Variants in CDH23 observed in about 807,000 individuals in gnomAD.
CDH23 encodes cadherin-23.
In CDH23, 189 loss-of-function variants were observed where a neutral mutation model predicts 317.1. The ratio of observed to expected loss-of-function variants is 0.60; its 90% CI spans 0.53 to 0.67. The LOEUF is 0.67. Ranked by LOEUF, CDH23 falls within the 30% of genes least tolerant of loss-of-function variation. The pLI, the probability that CDH23 is intolerant of heterozygous loss-of-function variation, is 0.00. For missense variants in CDH23, 4,401 were observed against 4,592.4 expected, an observed-to-expected ratio of 0.96 and a Z score of 1.20; for synonymous variants, 1,839 against 1,876.8, an observed-to-expected ratio of 0.98 and a Z score of 0.52.
intron 3 of CDH23, among the ~76,000 whole-genome samples, chr10:71,466,988 C>A (rs1201554193): frequency 6.6e-6 from 1 of 152,094 alleles, no homozygotes; most frequent in Non-Finnish European, 1.5e-5. Flanking sequence ...AGCTTGTGAG[C>A]CCCACAGGGA....
chr10:71,667,322 A>G (rs917514343), intron 14 of CDH23, among the ~76,000 whole-genome samples: 1 of 145,606 alleles, frequency 6.9e-6, no homozygotes, highest in Non-Finnish European at 1.5e-5. Flanking sequence ...GCTGGAGACA[A>G]GTAGGGGTGC....
rs377521834 is a variant in CDH23, at chr10:71,432,378, AGTGT to A, written c.-5-7445_-5-7442del. Reference sequence around the variant, plus strand: ...GTGAGAGTCTGGGTGTGTGTTTGAGAGTGTGTGAGTTGTGTGGTGTGTGTTTGTG... The same window carrying A: ...GTGAGAGTCTGGGTGTGTGTTTGAGAGTGAGTTGTGTGGTGTGTGTTTGTG... On this transcript the variant is annotated intron_variant, in intron 1 of 69. Transcript: ENST00000224721. Among the ~76,000 whole-genome samples the A allele has an allele frequency of 1.4e-4, 20 of 139,716 alleles. No homozygotes were observed. In the East Asian group the frequency reaches 3.5e-3, roughly 24 times the overall value. 91.7% of individuals were successfully genotyped at this position (139,716 alleles called of 152,430 possible).
chr10:71,712,412 A>G lies in CDH23; in HGVS notation c.3221-253A>G, dbSNP rs1022666109. On this transcript the variant is annotated intron_variant, in intron 27 of 69. Coordinates refer to ENST00000224721, the MANE Select transcript of CDH23 (RefSeq NM_022124.6). ...CCTCTGTAAAATGGGGATGACAGTA[A>G]AGTGTCTGCTTCATGGGGTTGCTGT... is the stretch of plus-strand genomic sequence containing the variant. 10 of 452,358 alleles carry G rather than the reference A, an allele frequency of 2.2e-5. No homozygotes were observed. In the East Asian group the frequency reaches 3.5e-4, roughly 16 times the overall value. The allele number at this position is 452,358 out of a possible 1,614,324, so 28.0% of individuals were successfully genotyped here.
chr10:71,598,454 C>T (rs1029006752), intron 9 of CDH23, among the ~76,000 whole-genome samples: 8 of 152,188 alleles, frequency 5.3e-5, no homozygotes, highest in African/African-American at 1.4e-4. Flanking sequence ...TCCAGGAGGG[C>T]CTATGCCCAG....
At chr10:71,740,277 A>G (rs1227056) in intron 36 of CDH23, among the ~76,000 whole-genome samples, 107,856 of 152,166 alleles carry the variant, frequency 0.71, 38,690 homozygotes, top group Non-Finnish European at 0.78. Context: ...GAACCTCAGG[A>G]CTGCGCTTCT....
rs1238433078 is a variant in CDH23, at chr10:71,665,134, C to T, written c.1450-9978C>T. On this transcript the variant is annotated intron_variant, in intron 14 of 69. Coordinates refer to ENST00000224721, the MANE Select transcript of CDH23 (RefSeq NM_022124.6). The stretch of plus-strand genomic sequence containing the variant: ...CCTGGGAAACAAGACAGACTCAGTT[C>T]CTGCCCTCATAAAGCTTATATTCTA... Among the ~76,000 whole-genome samples, 8 of 152,352 alleles carry T rather than the reference C, an allele frequency of 5.3e-5. No homozygotes were observed. The East Asian group carries it at 1.5e-3, about 29-fold the overall frequency.
At chr10:71,752,062 G>T in intron 38 of CDH23, 1 of 712,224 alleles carries the variant, frequency 1.4e-6, no homozygotes, top group Non-Finnish European at 2.5e-6. Context: ...GTCCTGAGCT[G>T]AGGGCATCAG....
intron 16 of CDH23, among the ~76,000 whole-genome samples, chr10:71,679,056 G>C (rs1349433358): frequency 1.3e-5 from 2 of 152,128 alleles, no homozygotes; most frequent in Non-Finnish European, 2.9e-5. Context: ...GCTGGGGTTG[G>C]GGGTGGGAGG....
chr10:71,457,281 G>T (rs948352233), intron 3 of CDH23, among the ~76,000 whole-genome samples: 1 of 152,204 alleles, frequency 6.6e-6, no homozygotes, highest in Non-Finnish European at 1.5e-5. Context: ...TTTAGCCCCT[G>T]TGTTTTACTA....
intron 9 of CDH23, among the ~76,000 whole-genome samples, chr10:71,600,082 A>G (rs1474321971): frequency 7.1e-6 from 1 of 140,790 alleles, no homozygotes; most frequent in Middle Eastern, 3.7e-3. Flanking sequence ...GGCTTACTGC[A>G]ACCTCCGCCT....
At chr10:71,467,164 G>A (rs1350594869) in intron 3 of CDH23, among the ~76,000 whole-genome samples, 2 of 120,718 alleles carry the variant, frequency 1.7e-5, no homozygotes, top group Non-Finnish European at 3.7e-5. Flanking sequence ...CCAGAGGGAA[G>A]AGGGAAGGAC....
chr10:71,791,075 T>A (rs1307451432), intron 46 of CDH23, 57 bp from the exon 47 acceptor site: 2 of 1,423,478 alleles, frequency 1.4e-6, no homozygotes, highest in African/African-American at 1.4e-5. Context: ...TCTTGCCCTG[T>A]CTTCCCACCG....
chr10:71,700,115 G>A (rs936314262), intron 22 of CDH23, among the ~76,000 whole-genome samples: 16 of 152,108 alleles, frequency 1.1e-4, no homozygotes, highest in Non-Finnish European at 1.3e-4. Flanking sequence ...GGCTGGGTGC[G>A]GTCGCTCACA....
chr10:71,619,030 G>A (rs964681100), intron 11 of CDH23, among the ~76,000 whole-genome samples: 7 of 152,112 alleles, frequency 4.6e-5, no homozygotes, highest in African/African-American at 4.8e-5. Flanking sequence ...AATACAGTAC[G>A]TACATTTTAA....
At chr10:71,793,775 G>T (rs1009329986) in intron 48 of CDH23, 135 bp downstream of exon 48, 2 of 687,238 alleles carry the variant, frequency 2.9e-6, no homozygotes, top group African/African-American at 3.6e-5. Context: ...CTCCTCTGGA[G>T]GGAAACCAGA....
chr10:71,560,051 T>G (rs1857052995), intron 6 of CDH23, among the ~76,000 whole-genome samples: 1 of 152,190 alleles, frequency 6.6e-6, no homozygotes, highest in Non-Finnish European at 1.5e-5. Context: ...CCTGCCTATT[T>G]GAGAAAGAAA....
At chr10:71,461,396 T>A (rs752298296) in intron 3 of CDH23, among the ~76,000 whole-genome samples, 1 of 152,198 alleles carries the variant, frequency 6.6e-6, no homozygotes, top group Non-Finnish European at 1.5e-5. Flanking sequence ...CCACAAGACA[T>A]CCATCCTGGG....
chr10:71,537,051 A>C (rs1855743616), intron 6 of CDH23, among the ~76,000 whole-genome samples: 1 of 152,118 alleles, frequency 6.6e-6, no homozygotes, highest in Admixed American at 6.5e-5. Context: ...CAGGACTGCC[A>C]CAGGAGCTGG....
chr10:71,544,882 TAGAG>T (rs754355136), intron 6 of CDH23, among the ~76,000 whole-genome samples: 28 of 152,158 alleles, frequency 1.8e-4, no homozygotes, highest in Non-Finnish European at 3.2e-4. Context: ...TCTTGACAGT[TAGAG>T]AGTCATTTTA....
Sources: allele counts gnomAD v4.1 joint callset (sites outside exome capture counted in the v4.1 genomes callset), GRCh38; gene constraint gnomAD v4.1.1; transcripts MANE v1.5; gene names NCBI Gene and HGNC (gene_info 2026-07-23, HGNC 2026-07-21).